The following STXBP5L variants were observed in gnomAD, a reference collection of about 807,000 sequenced individuals.
The protein encoded by STXBP5L is syntaxin binding protein 5L, also known as syntaxin-binding protein 5-like.
Under a neutral mutation model 144.5 loss-of-function variants are expected in STXBP5L, and 65 were observed. The ratio of observed to expected loss-of-function variants is 0.45; its 90% CI spans 0.37 to 0.55. The LOEUF (loss-of-function observed/expected upper bound fraction) is 0.55. STXBP5L is among the 20% of genes least tolerant of loss of function. The pLI, the probability that STXBP5L is intolerant of heterozygous loss-of-function variation, is 0.00. For missense variants in STXBP5L, 1,298 were observed against 1,405.5 expected, an observed-to-expected ratio of 0.92 and a Z score of 1.22; for synonymous variants, 505 against 469.6, an observed-to-expected ratio of 1.08 and a Z score of -0.97.
At chr3:121,022,051 T>A (rs1945597057) in intron 3 of STXBP5L, among the ~76,000 whole-genome samples, 1 of 151,544 alleles carries the variant, frequency 6.6e-6, no homozygotes, top group African/African-American at 2.4e-5. Context: ...AGAGAGAAGA[T>A]CCAAATAAAC....
chr3:121,309,867 C>G (rs946524815), intron 19 of STXBP5L, among the ~76,000 whole-genome samples: 1 of 152,056 alleles, frequency 6.6e-6, no homozygotes, highest in African/African-American at 2.4e-5. Context: ...TCTGGAATAA[C>G]TAAAATACTC....
intron 19 of STXBP5L, among the ~76,000 whole-genome samples, chr3:121,290,782 G>GTGT (rs2051410741): frequency 2.0e-5 from 3 of 151,562 alleles, no homozygotes; most frequent in African/African-American, 7.3e-5. Context: ...GATACATCAC[G>GTGT]AAACAAAATT....
intron 10 of STXBP5L, among the ~76,000 whole-genome samples, chr3:121,213,254 A>T (rs1436283957): frequency 1.3e-5 from 2 of 152,156 alleles, no homozygotes; most frequent in African/African-American, 2.4e-5. Context: ...TATGTTGAAT[A>T]GGAGTGGTGA....
At chr3:121,130,147 A>G (rs1043152158) in intron 7 of STXBP5L, among the ~76,000 whole-genome samples, 4 of 152,112 alleles carry the variant, frequency 2.6e-5, no homozygotes, top group African/African-American at 9.7e-5. Flanking sequence ...AAGCTACTGT[A>G]CTACTTGGGA....
At chr3:121,076,852 C>T (rs1047065501) in intron 5 of STXBP5L, among the ~76,000 whole-genome samples, 1 of 152,154 alleles carries the variant, frequency 6.6e-6, no homozygotes. Context: ...CTCAGTTTCA[C>T]TTTTGGATCC....
In STXBP5L at chr3:121,340,282, A is replaced by G. The variant is rs774779729; in HGVS notation, c.2176+21742A>G. On this transcript the variant is annotated intron_variant, in intron 20 of 26. Transcript: ENST00000471454. ...ACAACCAAATGATCTTTGACAAAGT[A>G]TAGAAAGGCATGGAATATTATTTTT... 5.5e-4 allele frequency among the ~76,000 whole-genome samples: 84 copies of G among 152,090 alleles called. 1 individual carries two copies. Among genetic ancestry groups the G allele is most frequent in the Admixed American group, 3.3e-4 (5 of 15,252 alleles).
At position 121,153,729 on chromosome 3, in the gene STXBP5L, GAAATA is replaced by G. The variant is rs1173818832; in HGVS notation, c.753+1179_753+1183del. Among the ~76,000 whole-genome samples the G allele has an allele frequency of 3.3e-5, 5 of 151,950 alleles. No homozygotes were observed. The East Asian group carries it at 5.8e-4, about 18-fold the overall frequency. Reference sequence around the variant, plus strand: ...TCTCATAGTGGTAAAAAAATGTTTAGAAATAAAATAAAATGGCAGCTGGGTAATTT... The same window carrying G: ...TCTCATAGTGGTAAAAAAATGTTTAGAAATAAAATGGCAGCTGGGTAATTT... On this transcript the variant is annotated intron_variant, in intron 8 of 26. Transcript: ENST00000471454.
At chr3:121,224,616 A>G (rs1010605787) in intron 11 of STXBP5L, among the ~76,000 whole-genome samples, 98 of 152,168 alleles carry the variant, frequency 6.4e-4, no homozygotes, top group African/African-American at 2.3e-3. Context: ...CAGAGTATAA[A>G]TAATGTATTA....
At chr3:121,091,054 T>G (rs546800661) in intron 5 of STXBP5L, among the ~76,000 whole-genome samples, 123 of 151,008 alleles carry the variant, frequency 8.1e-4, no homozygotes, top group African/African-American at 3.0e-3. Flanking sequence ...TTGTGATAGT[T>G]TACTGAGAAT....
Position 121,133,713 on chromosome 3 carries a change from G to A in STXBP5L, c.669+12009G>A, listed in dbSNP as rs9809871. On this transcript the variant is annotated intron_variant, in intron 7 of 26. Transcript: ENST00000471454. ...TCACACTTCTAGAAAGATACTATCT[G>A]AGACTGGGTAATTTATAAGCAAAAG... Among the ~76,000 whole-genome samples the A allele has an allele frequency of 1.8e-4, 27 of 152,234 alleles. No homozygotes were observed. In the South Asian group the frequency reaches 5.6e-3, roughly 32 times the overall value.
At position 121,419,042 on chromosome 3, in the gene STXBP5L, T is replaced by A. The variant is rs756217221; in HGVS notation, c.3448-14T>A. On this transcript the variant is annotated splice_polypyrimidine_tract_variant and intron_variant, in intron 26 of 26. Transcript: ENST00000471454. ...GTATTTTAGCGTCTTATGGTGGCTA[T>A]TTTTTCTTTGCAGTTAATGCTGAAA... is the stretch of plus-strand genomic sequence containing the variant. 6.2e-7 allele frequency: 1 copy of A among 1,610,524 alleles called. No homozygotes were observed.
At chr3:121,286,173 C>T (rs1174084343) in intron 19 of STXBP5L, among the ~76,000 whole-genome samples, 1 of 152,054 alleles carries the variant, frequency 6.6e-6, no homozygotes, top group East Asian at 1.9e-4. Context: ...AGTCCCAGGC[C>T]TATTATCCCT....
chr3:121,249,703 T>C (rs2049972029), intron 14 of STXBP5L, among the ~76,000 whole-genome samples: 1 of 152,152 alleles, frequency 6.6e-6, no homozygotes, highest in African/African-American at 2.4e-5. Context: ...ATTTCAGTGC[T>C]TAACACCTCC....
chr3:120,977,844 C>A (rs1000322750), intron 3 of STXBP5L, among the ~76,000 whole-genome samples: 5 of 152,162 alleles, frequency 3.3e-5, no homozygotes, highest in Admixed American at 6.5e-5. Context: ...GTTGAAAATT[C>A]TTTTCTTTAA....
At chr3:121,054,004 T>C (rs1948244105) in intron 5 of STXBP5L, among the ~76,000 whole-genome samples, 1 of 152,164 alleles carries the variant, frequency 6.6e-6, no homozygotes, top group African/African-American at 2.4e-5. Flanking sequence ...TCATCATCAC[T>C]GGCCATCAGA....
At chr3:121,348,667 C>T (rs1284450717) in intron 20 of STXBP5L, among the ~76,000 whole-genome samples, 2 of 152,000 alleles carry the variant, frequency 1.3e-5, no homozygotes, top group Admixed American at 6.6e-5. Context: ...GATTCAACTT[C>T]TTCCTGGTTT....
At chr3:121,030,237 A>G (rs1560025822) in intron 3 of STXBP5L, among the ~76,000 whole-genome samples, 1 of 152,208 alleles carries the variant, frequency 6.6e-6, no homozygotes, top group Non-Finnish European at 1.5e-5. Flanking sequence ...ACATATGTTT[A>G]TTGTGGCACT....
At chr3:120,978,074 G>T (rs898026552) in intron 3 of STXBP5L, among the ~76,000 whole-genome samples, 2 of 152,132 alleles carry the variant, frequency 1.3e-5, no homozygotes, top group African/African-American at 4.8e-5. Flanking sequence ...TGTATTTCCT[G>T]AATGTGAATG....
intron 22 of STXBP5L, among the ~76,000 whole-genome samples, chr3:121,392,301 C>T (rs1401662367): frequency 6.6e-6 from 1 of 152,156 alleles, no homozygotes; most frequent in Non-Finnish European, 1.5e-5. Context: ...TCCAGGTAGT[C>T]AGTCATAGCT....
Sources: gnomAD v4.1 joint callset for allele counts (sites outside exome capture counted in the v4.1 genomes callset) on GRCh38, gnomAD v4.1.1 for gene constraint, MANE v1.5 for transcripts, NCBI Gene and HGNC (gene_info 2026-07-23, HGNC 2026-07-21) for gene names.